The following ESYT2 variants were observed in gnomAD, a reference collection of about 807,000 sequenced individuals.
ESYT2 encodes the protein extended synaptotagmin-2.
In ESYT2, 54 loss-of-function variants were observed where a neutral mutation model predicts 107.2. The observed-to-expected ratio is 0.50, with a 90% CI of 0.40 to 0.63. ESYT2 has a LOEUF of 0.63. Ranked by LOEUF, ESYT2 falls within the 30% of genes least tolerant of loss-of-function variation. The pLI is 0.00. For synonymous variants in ESYT2, 491 were observed against 434.1 expected, an observed-to-expected ratio of 1.13 and a Z score of -1.63; for missense variants, 1,020 against 1,094.5, an observed-to-expected ratio of 0.93 and a Z score of 0.96.
chr7:158,805,388 C>T (rs1345475526), intron 1 of ESYT2, among the ~76,000 whole-genome samples: 2 of 152,070 alleles, frequency 1.3e-5, no homozygotes, highest in Non-Finnish European at 2.9e-5. Context: ...GTTGCTTCTA[C>T]AAAGAAAGTA....
At position 158,732,929 on chromosome 7, in the gene ESYT2, AAC is replaced by A. The variant is rs1836795685; in HGVS notation, c.*1276_*1277del. The A allele has an allele frequency of 6.6e-6, 1 of 152,258 alleles. No homozygotes were observed. Among genetic ancestry groups the A allele is most frequent in the Non-Finnish European group, 1.5e-5 (1 of 68,054 alleles). 9.4% of individuals were successfully genotyped at this position (152,258 alleles called of 1,614,324 possible). On this transcript the variant is annotated 3_prime_UTR_variant, in exon 23 of 23. Transcript: ENST00000275418. ...AGACACACACAGCCTACGACACTGC[AAC>A]AGAGCCTCACCTCACAGGAGGTCTG...
rs562667733 is a variant in ESYT2, at chr7:158,755,253, C to A, written c.1420-2410G>T. Among the ~76,000 whole-genome samples, 99 of 152,322 alleles carry A rather than the reference C, an allele frequency of 6.5e-4. 1 individual carries two copies. Among genetic ancestry groups the A allele is most frequent in the African/African-American group, 2.3e-3 (94 of 41,576 alleles). On this transcript the variant is annotated intron_variant, in intron 13 of 22. Transcript: ENST00000275418. Reference sequence around the variant, plus strand: ...CCTTCACCAGTGACAGCAAGGCTCTCAGCCCTCTGGGGAAAACTGAGAAGC... The same window carrying A: ...CCTTCACCAGTGACAGCAAGGCTCTAAGCCCTCTGGGGAAAACTGAGAAGC...
intron 1 of ESYT2, among the ~76,000 whole-genome samples, chr7:158,826,057 G>A (rs1157983638): frequency 6.6e-6 from 1 of 150,584 alleles, no homozygotes; most frequent in East Asian, 1.9e-4. Flanking sequence ...CAAAGTGCAA[G>A]TAATACTGAA....
intron 1 of ESYT2, among the ~76,000 whole-genome samples, chr7:158,816,836 A>C (rs1338110527): frequency 6.6e-6 from 1 of 152,262 alleles, no homozygotes; most frequent in Non-Finnish European, 1.5e-5. Context: ...TGAAAAAATA[A>C]GTAGGAAGAG....
Position 158,770,341 on chromosome 7 carries a change from T to C in ESYT2, c.804-2567A>G, listed in dbSNP as rs1179766178. Among the ~76,000 whole-genome samples the C allele has an allele frequency of 3.3e-5, 5 of 151,898 alleles. No individual in the cohort carries two copies. In the South Asian group the frequency reaches 6.2e-4, roughly 19 times the overall value. On this transcript the variant is annotated intron_variant, in intron 7 of 22. Transcript: ENST00000275418. ...ATTTATGTAAACATAATTTATTATATAAAATCTACATAATTGTGCATAAAT... is the reference window on the plus strand; with the variant it reads ...ATTTATGTAAACATAATTTATTATACAAAATCTACATAATTGTGCATAAAT...
chr7:158,742,024 T>C, intron 17 of ESYT2, 128 bp from the exon 18 acceptor site: 1 of 1,116,964 alleles, frequency 9.0e-7, no homozygotes, highest in Non-Finnish European at 1.3e-6. Flanking sequence ...AATTTTTTTT[T>C]AAAGGAAAGT....
chr7:158,782,355 CGTGAGTGAACGAGTGT>C (rs1838901531), intron 6 of ESYT2, among the ~76,000 whole-genome samples: 1 of 54,916 alleles, frequency 1.8e-5, no homozygotes, highest in African/African-American at 5.8e-5. Flanking sequence ...AGTGTAAGAA[CGTGAGTGAACGAGTGT>C]GAGAACAAAG....
chr7:158,734,156 C>T lies in ESYT2; in HGVS notation c.*51G>A, dbSNP rs370135037. 258 of 1,601,426 alleles carry T rather than the reference C, an allele frequency of 1.6e-4. No homozygotes were observed. The highest frequency in any genetic ancestry group is 5.0e-4 in the Middle Eastern group (3 of 5,962). On this transcript the variant is annotated 3_prime_UTR_variant, in exon 23 of 23. Coordinates refer to ENST00000275418, the MANE Select transcript of ESYT2 (RefSeq NM_001367773.1). Reference sequence around the variant, plus strand: ...GGTACGTCTGTGAGAGGGTGTGTTCCGGGTAGAGGTGGAGAGCTACGCTGA... The same window carrying T: ...GGTACGTCTGTGAGAGGGTGTGTTCTGGGTAGAGGTGGAGAGCTACGCTGA...
chr7:158,739,200 A>C, intron 18 of ESYT2, 79 bp from the exon 19 acceptor site: 1 of 1,202,524 alleles, frequency 8.3e-7, no homozygotes, highest in Admixed American at 2.3e-5. Flanking sequence ...TGTACACGAT[A>C]AAATAATTTC....
At chr7:158,783,423 T>C (rs1278225645) in intron 6 of ESYT2, among the ~76,000 whole-genome samples, 2 of 152,170 alleles carry the variant, frequency 1.3e-5, no homozygotes, top group Non-Finnish European at 2.9e-5. Flanking sequence ...GGGAAGTCTG[T>C]TGGAAATACA....
intron 4 of ESYT2, 112 bp downstream of exon 4, chr7:158,793,538 C>T: frequency 1.3e-6 from 1 of 760,160 alleles, no homozygotes; most frequent in Non-Finnish European, 2.2e-6. Context: ...TAGTCGAATT[C>T]CAATCAACAG....
chr7:158,805,119 C>T (rs1022861165), intron 1 of ESYT2, among the ~76,000 whole-genome samples: 1 of 152,212 alleles, frequency 6.6e-6, no homozygotes, highest in Non-Finnish European at 1.5e-5. Flanking sequence ...CTCGTCCCCA[C>T]AGCTGGGCTG....
chr7:158,737,123 A>G lies in ESYT2; in HGVS notation c.2324T>C (p.Leu775Ser), dbSNP rs746050325. The G allele has an allele frequency of 2.5e-6, 4 of 1,614,138 alleles. No homozygotes were observed. The highest frequency in any genetic ancestry group is 3.4e-6 in the Non-Finnish European group (4 of 1,179,958). The change falls in exon 20 of 23, where the codon TTA (leucine) becomes TCA (serine). Residue 775 changes from leucine to serine, a missense_variant. Coordinates refer to ENST00000275418, the MANE Select transcript of ESYT2 (RefSeq NM_001367773.1). ...GSDPYVRMYL[L>S]PDKRRSGRRK... is the part of the protein sequence containing the mutation. ...CCTTCCTGACCGCCTCTTGTCTGGTAATAAATACATGCGGACATAGGGGTC... is the reference window on the plus strand; with the variant it reads ...CCTTCCTGACCGCCTCTTGTCTGGTGATAAATACATGCGGACATAGGGGTC...
At chr7:158,801,318 T>C (rs1256213501) in intron 1 of ESYT2, among the ~76,000 whole-genome samples, 1 of 152,236 alleles carries the variant, frequency 6.6e-6, no homozygotes, top group East Asian at 1.9e-4. Context: ...CGTCTCTTAG[T>C]AGTGTTATCC....
intron 1 of ESYT2, among the ~76,000 whole-genome samples, chr7:158,823,349 C>T (rs1423629204): frequency 1.5e-4 from 19 of 129,600 alleles, no homozygotes; most frequent in African/African-American, 2.0e-4. Flanking sequence ...TTTTTAGAGA[C>T]GGACTGTGGC....
At chr7:158,814,030 T>A (rs1313476936) in intron 1 of ESYT2, among the ~76,000 whole-genome samples, 1 of 151,812 alleles carries the variant, frequency 6.6e-6, no homozygotes, top group African/African-American at 2.4e-5. Flanking sequence ...TCCCAGCACT[T>A]TGGGAGGCCG....
intron 8 of ESYT2, 81 bp from the exon 9 acceptor site, chr7:158,764,934 C>A: frequency 7.2e-7 from 1 of 1,396,348 alleles, no homozygotes; most frequent in South Asian, 1.3e-5. Flanking sequence ...CACCTAACCC[C>A]GTCTCGAGAA....
At chr7:158,770,706 AG>A (rs1389692433) in intron 7 of ESYT2, among the ~76,000 whole-genome samples, 1 of 151,958 alleles carries the variant, frequency 6.6e-6, no homozygotes, top group Admixed American at 6.6e-5. Context: ...CAGTAGAGAC[AG>A]GGTTTCACTG....
At position 158,741,601 on chromosome 7, in the gene ESYT2, G is replaced by C. The variant is rs777060478; in HGVS notation, c.2090C>G (p.Pro697Arg). The C allele has an allele frequency of 6.2e-7, 1 of 1,612,052 alleles. No individual in the cohort carries two copies. Among genetic ancestry groups the C allele is most frequent in the East Asian group, 2.2e-5 (1 of 44,844 alleles). The change falls in exon 18 of 23, where the codon CCG becomes CGG. Residue 697 changes from proline (P) to arginine (R), a missense_variant. Pro to Arg is a moderately radical substitution (Grantham distance 103, BLOSUM62 -2). Coordinates refer to ENST00000275418, the MANE Select transcript of ESYT2 (RefSeq NM_001367773.1). ...GATGTCCGAGGCGATGCTGGGGGTC[G>C]GCTCCTTGACTGAGATGTGGCCTGG... ...ASPGHISVKE[P>R]TPSIASDISL...
Sources: allele counts gnomAD v4.1 joint callset (sites outside exome capture counted in the v4.1 genomes callset), GRCh38; gene constraint gnomAD v4.1.1; transcripts MANE v1.5; gene names NCBI Gene and HGNC (gene_info 2026-07-23, HGNC 2026-07-21).